COL6A6: variants seen among roughly 807,000 people sequenced by gnomAD.
COL6A6 encodes the protein collagen alpha-6(VI) chain.
Under a neutral mutation model 208.6 loss-of-function variants are expected in COL6A6, and 183 were observed. The observed-to-expected ratio is 0.88, with a 90% CI of 0.78 to 0.99. The LOEUF (loss-of-function observed/expected upper bound fraction) is 0.99. Among genes scored for constraint, COL6A6 ranks in the 50% least tolerant of loss-of-function variants. COL6A6 has a pLI of 0.00. For missense variants in COL6A6, 2,816 were observed against 2,815.2 expected (o/e 1.00, Z -0.01); for synonymous variants, 973 against 1,011.8 (o/e 0.96, Z 0.73).
intron 17 of COL6A6, among the ~76,000 whole-genome samples, chr3:130,593,626 C>CT (rs1163146213): frequency 6.6e-6 from 1 of 152,200 alleles, no homozygotes; most frequent in Non-Finnish European, 1.5e-5. Context: ...TCTCTCAACA[C>CT]TTGCATCTCT....
chr3:130,520,652 T>G (rs1711012268), intron 1 of COL6A6, among the ~76,000 whole-genome samples: 1 of 152,214 alleles, frequency 6.6e-6, no homozygotes, highest in Non-Finnish European at 1.5e-5. Flanking sequence ...AAATTATGCA[T>G]CTCATGTAAA....
At position 130,661,891 on chromosome 3, in the gene COL6A6, G is replaced by T. The variant is rs1194416929; in HGVS notation, c.6085G>T (p.Val2029Phe). The part of the protein sequence containing the change: ...DFLPNTQKSP[V>F]RAEFNLTTYR... The stretch of plus-strand genomic sequence containing the variant: ...CCTACCCAACACTCAGAAGAGTCCA[G>T]TTAGAGCTGAGTTCAATCTTACCAC... Residue 2029 changes from valine (V) to phenylalanine (F), a missense_variant, in exon 35 of 37, where the codon GTT (valine) becomes TTT (phenylalanine). By Grantham distance (50) the Val-to-Phe change is conservative. Transcript: ENST00000358511. 2 of 1,613,984 alleles carry T rather than the reference G, an allele frequency of 1.2e-6. No homozygotes were observed. Among genetic ancestry groups the T allele is most frequent in the East Asian group, 2.2e-5 (1 of 44,892 alleles).
chr3:130,662,454 C>T (rs1017804354), intron 35 of COL6A6, 146 bp downstream of exon 35: 28 of 742,504 alleles, frequency 3.8e-5, no homozygotes, highest in Non-Finnish European at 5.3e-5. Flanking sequence ...TATATAATGA[C>T]GGATGGTAGA....
intron 11 of COL6A6, 144 bp from the exon 12 acceptor site, chr3:130,588,946 T>C (rs934950801): frequency 2.4e-6 from 1 of 409,384 alleles, no homozygotes; most frequent in African/African-American, 2.2e-5. Context: ...AAAAGTTTCA[T>C]GCATTCTTTC....
intron 24 of COL6A6, among the ~76,000 whole-genome samples, chr3:130,624,385 G>A (rs542146277): frequency 6.6e-6 from 1 of 152,316 alleles, no homozygotes; most frequent in African/African-American, 2.4e-5. Flanking sequence ...CTGATATGAT[G>A]GAGTCCAGCA....
At chr3:130,641,749 T>G in intron 29 of COL6A6, 35 bp downstream of exon 29, 1 of 1,321,846 alleles carries the variant, frequency 7.6e-7, no homozygotes, top group Non-Finnish European at 1.1e-6. Context: ...AGCAGGTCCT[T>G]TTCCATTAAA....
intron 1 of COL6A6, among the ~76,000 whole-genome samples, chr3:130,553,166 C>T (rs1485878515): frequency 6.6e-6 from 1 of 152,094 alleles, no homozygotes; most frequent in Non-Finnish European, 1.5e-5. Flanking sequence ...GGGTTCTCTA[C>T]GTTTCCTGAA....
chr3:130,667,368 C>T (rs2108480457), intron 36 of COL6A6, among the ~76,000 whole-genome samples: 1 of 152,262 alleles, frequency 6.6e-6, no homozygotes, highest in East Asian at 1.9e-4. Context: ...TCCCAAGTAG[C>T]TGGGATTACA....
At position 130,517,307 on chromosome 3, in the gene COL6A6, G is replaced by T. The variant is rs749979776; in HGVS notation, c.-122G>T. 1.3e-5 allele frequency among the ~76,000 whole-genome samples: 2 copies of T among 152,216 alleles called. No individual in the cohort carries two copies. The highest frequency in any genetic ancestry group is 2.4e-5 in the African/African-American group (1 of 41,466). The stretch of plus-strand genomic sequence containing the variant: ...GGCACCAAACTCTGCGCTCCCCGCG[G>T]TGCGCCCTGCCCGCGCAGTGCGCGT... On this transcript the variant is annotated 5_prime_UTR_variant, in exon 1 of 37. Coordinates refer to ENST00000358511, the MANE Select transcript of COL6A6 (RefSeq NM_001102608.3).
intron 1 of COL6A6, among the ~76,000 whole-genome samples, chr3:130,556,187 C>T (rs1389756170): frequency 2.0e-5 from 3 of 152,168 alleles, no homozygotes; most frequent in African/African-American, 7.2e-5. Flanking sequence ...CCTACCGTTC[C>T]ATCCATGTTG....
At chr3:130,603,274 C>A (rs2064079675) in intron 20 of COL6A6, among the ~76,000 whole-genome samples, 1 of 152,188 alleles carries the variant, frequency 6.6e-6, no homozygotes, top group African/African-American at 2.4e-5. Context: ...GGGGCTAGGC[C>A]TCCGCCCATT....
chr3:130,558,352 G>T (rs1225831756), intron 1 of COL6A6, among the ~76,000 whole-genome samples: 1 of 152,056 alleles, frequency 6.6e-6, no homozygotes, highest in Non-Finnish European at 1.5e-5. Context: ...ACAAAGTCAG[G>T]CACACACACC....
In COL6A6 at chr3:130,563,517, G is replaced by A. The variant is rs767981675; in HGVS notation, c.514G>A (p.Glu172Lys). 1 of 1,613,984 alleles carries A rather than the reference G, an allele frequency of 6.2e-7. No homozygotes were observed. Among genetic ancestry groups the A allele is most frequent in the South Asian group, 1.1e-5 (1 of 91,076 alleles). The change falls in exon 3 of 37, where the codon GAA becomes AAA. Residue 172 changes from glutamate to lysine, a missense_variant. Transcript: ENST00000358511. ...ISVGVQKASE[E>K]NLKAMATSQF... is the part of the protein sequence containing the mutation. ...TGTAGGGGTGCAGAAAGCTTCTGAG[G>A]AAAACCTGAAGGCCATGGCCACGTC...
chr3:130,674,505 C>G (rs2066311527), intron 36 of COL6A6, among the ~76,000 whole-genome samples: 1 of 152,198 alleles, frequency 6.6e-6, no homozygotes, highest in African/African-American at 2.4e-5. Flanking sequence ...GCCTGCCAGA[C>G]TGGGCTCTAT....
chr3:130,609,028 A>T (rs549425053), intron 22 of COL6A6, 64 bp downstream of exon 22: 3 of 1,197,006 alleles, frequency 2.5e-6, no homozygotes, highest in African/African-American at 3.0e-5. Context: ...GAAAAATCTG[A>T]GGACCTGATA....
intron 23 of COL6A6, among the ~76,000 whole-genome samples, chr3:130,611,326 G>T (rs965958396): frequency 6.6e-6 from 1 of 152,212 alleles, no homozygotes; most frequent in Non-Finnish European, 1.5e-5. Flanking sequence ...CAAGGCCTGA[G>T]ATTCTGCACT....
At chr3:130,539,540 A>G (rs1416503075) in intron 1 of COL6A6, among the ~76,000 whole-genome samples, 1 of 151,942 alleles carries the variant, frequency 6.6e-6, no homozygotes, top group African/African-American at 2.4e-5. Flanking sequence ...AGGCTGAGGC[A>G]GGAGAATGGC....
At chr3:130,588,507 G>A (rs1390785620) in intron 11 of COL6A6, among the ~76,000 whole-genome samples, 1 of 152,108 alleles carries the variant, frequency 6.6e-6, no homozygotes, top group Non-Finnish European at 1.5e-5. Flanking sequence ...ATTCTCCTGT[G>A]CCCCAATCCC....
chr3:130,529,129 T>A (rs1177721088), intron 1 of COL6A6, among the ~76,000 whole-genome samples: 1 of 152,028 alleles, frequency 6.6e-6, no homozygotes, highest in Non-Finnish European at 1.5e-5. Context: ...TGGGCCTCAA[T>A]CTCATTTGAT....
Sources: allele counts gnomAD v4.1 joint callset (sites outside exome capture counted in the v4.1 genomes callset), GRCh38; gene constraint gnomAD v4.1.1; transcripts MANE v1.5; gene names NCBI Gene and HGNC (gene_info 2026-07-23, HGNC 2026-07-21).